The following SNX32 variants were observed in gnomAD, a reference collection of about 807,000 sequenced individuals.
SNX32 encodes sorting nexin-32.
SNX32 carries 58 observed loss-of-function variants against 57.0 expected under a neutral mutation model. The ratio of observed to expected loss-of-function variants is 1.02; its 90% confidence interval spans 0.82 to 1.27. SNX32 has a LOEUF of 1.27. Ranked by LOEUF, SNX32 falls within the 50% of genes most tolerant of loss-of-function variation. The pLI is 0.00. For missense variants in SNX32, 589 were observed against 541.2 expected, an observed-to-expected ratio of 1.09 and a Z score of -0.88; for synonymous variants, 262 against 220.4, an observed-to-expected ratio of 1.19 and a Z score of -1.67.
Position 65,852,900 on chromosome 11 carries a change from TCTC to T in SNX32, c.1104_1106del (p.Ser369del), listed in dbSNP as rs754778652. 6.8e-6 allele frequency: 11 copies of T among 1,613,842 alleles called. No homozygotes were observed. The East Asian group carries it at 1.3e-4, about 20-fold the overall frequency. ...CTCATGGACTTCAAGTCCCGCCGGG[TCTC>T]CTCTTTTCGAAAGAATCTCATTGAG... On this transcript the variant is annotated inframe_deletion, in exon 12 of 13. Transcript: ENST00000308342.
At chr11:65,844,451 T>A (rs958703901) in intron 1 of SNX32, among the ~76,000 whole-genome samples, 18 of 143,780 alleles carry the variant, frequency 1.3e-4, no homozygotes, top group Admixed American at 4.2e-4. Flanking sequence ...AAAAAAAAAA[T>A]AATAAATAGA....
At chr11:65,837,573 A>G (rs1858701242) in intron 1 of SNX32, among the ~76,000 whole-genome samples, 1 of 152,136 alleles carries the variant, frequency 6.6e-6, no homozygotes, top group South Asian at 2.1e-4. Context: ...TAATCCCAGC[A>G]TTTTGGGAGG....
chr11:65,836,506 T>C (rs1565244489), intron 1 of SNX32, among the ~76,000 whole-genome samples: 2 of 152,122 alleles, frequency 1.3e-5, no homozygotes, highest in African/African-American at 2.4e-5. Flanking sequence ...ATCGCACCAT[T>C]GAACTCTAGC....
At chr11:65,840,517 G>C (rs1858812493) in intron 1 of SNX32, among the ~76,000 whole-genome samples, 1 of 152,076 alleles carries the variant, frequency 6.6e-6, no homozygotes, top group Non-Finnish European at 1.5e-5. Flanking sequence ...AAATCCAAAA[G>C]AACTGGCCAG....
In SNX32 at chr11:65,839,245, T is replaced by TAG. The variant is rs1299831051; in HGVS notation, c.36+5144_36+5145insAG. Among the ~76,000 whole-genome samples the TAG allele has an allele frequency of 5.2e-4, 40 of 77,648 alleles. No homozygotes were observed. The East Asian group carries it at 5.6e-3, about 11-fold the overall frequency. The allele number at this position is 77,648 out of a possible 152,430, so 50.9% of individuals were successfully genotyped here. A position where few individuals can be genotyped will look rare whatever the true frequency, so the allele number is the denominator to read the frequency against. On this transcript the variant is annotated intron_variant, in intron 1 of 12. Transcript: ENST00000308342. The stretch of plus-strand genomic sequence containing the variant: ...TTTGTATTTTTTTTTTTTTTTTTTT[T>TAG]TTGAGACGGAGTCTCGCTCTGTCGC...
In SNX32 at chr11:65,850,868, G is replaced by A. The variant is rs1282600478; in HGVS notation, c.603+13G>A. On this transcript the variant is annotated intron_variant, in intron 6 of 12. Coordinates refer to ENST00000308342, the MANE Select transcript of SNX32 (RefSeq NM_152760.3). ...GTCAGGGCTCAAGGTAACCCCTGGTGCTCCTCTCCGGATTCAACCCAGCAC... is the reference window on the plus strand; with the variant it reads ...GTCAGGGCTCAAGGTAACCCCTGGTACTCCTCTCCGGATTCAACCCAGCAC... 3.7e-6 allele frequency: 6 copies of A among 1,608,086 alleles called. No homozygotes were observed. The highest frequency in any genetic ancestry group is 5.1e-6 in the Non-Finnish European group (6 of 1,175,496).
In SNX32 at chr11:65,850,000, C is replaced by T. The variant is rs778010006; in HGVS notation, c.222C>T (p.Tyr74=). 3.1e-6 allele frequency: 5 copies of T among 1,613,744 alleles called. No homozygotes were observed. Among genetic ancestry groups the T allele is most frequent in the Non-Finnish European group, 4.2e-6 (5 of 1,179,718 alleles). ...HEEFIWLHDA[Y]VENEEYAGLI... ...AGTTCATCTGGCTGCATGATGCCTA[C>T]GTGGAGAATGAGGAGTACGCCGGCC... The change falls in exon 3 of 13, where the codon TAC becomes TAT. Residue 74 remains tyrosine, a synonymous_variant. Transcript: ENST00000308342.
intron 1 of SNX32, among the ~76,000 whole-genome samples, chr11:65,846,087 C>A (rs1437140342): frequency 6.6e-6 from 1 of 151,514 alleles, no homozygotes; most frequent in East Asian, 1.9e-4. Flanking sequence ...GCCTGGCCAA[C>A]ATGGTGAAAC....
chr11:65,837,656 C>A (rs1238292954), intron 1 of SNX32, among the ~76,000 whole-genome samples: 1 of 151,166 alleles, frequency 6.6e-6, no homozygotes, highest in Non-Finnish European at 1.5e-5. Flanking sequence ...CCCATCTCTA[C>A]TAAAAATACA....
chr11:65,847,066 G>A (rs772778409), intron 1 of SNX32, among the ~76,000 whole-genome samples: 4 of 150,176 alleles, frequency 2.7e-5, no homozygotes, highest in African/African-American at 4.9e-5. Flanking sequence ...GGAGTGCAGC[G>A]GCGAGATCCT....
At chr11:65,847,935 G>A (rs1477470733) in intron 1 of SNX32, among the ~76,000 whole-genome samples, 4 of 151,834 alleles carry the variant, frequency 2.6e-5, no homozygotes, top group Non-Finnish European at 5.9e-5. Context: ...GAGAAACAAT[G>A]TAGAGATAAC....
Position 65,850,190 on chromosome 11 carries a change from G to A in SNX32, c.293G>A (p.Arg98Lys). The stretch of plus-strand genomic sequence containing the variant: ...CCGAGGCCAGACTTTGAGGCTTCGA[G>A]GGAAAAGCTACAGAAATTGGGCGAG... ...APPRPDFEAS[R>K]EKLQKLGEGD... Residue 98 changes from arginine (R) to lysine (K), a missense_variant, in exon 4 of 13, where the codon AGG becomes AAG. Transcript: ENST00000308342. 6.2e-7 allele frequency: 1 copy of A among 1,614,246 alleles called. No individual in the cohort carries two copies.
At position 65,839,225 on chromosome 11, in the gene SNX32, A is replaced by ATTTTTTTTTTTTTTTTTTTTT. The variant is rs1168882508; in HGVS notation, c.36+5126_36+5146dup. ...CACCACGCCCAGCTAATTTTTTTGT[A>ATTTTTTTTTTTTTTTTTTTTT]TTTTTTTTTTTTTTTTTTTTTTGAG... On this transcript the variant is annotated intron_variant, in intron 1 of 12. Coordinates refer to ENST00000308342, the MANE Select transcript of SNX32 (RefSeq NM_152760.3). Among the ~76,000 whole-genome samples the ATTTTTTTTTTTTTTTTTTTTT allele has an allele frequency of 5.8e-4, 16 of 27,638 alleles. 3 individuals are homozygous for ATTTTTTTTTTTTTTTTTTTTT. Among genetic ancestry groups the ATTTTTTTTTTTTTTTTTTTTT allele is most frequent in the African/African-American group, 1.8e-3 (12 of 6,630 alleles). The allele number at this position is 27,638 out of a possible 152,430, so 18.1% of individuals were successfully genotyped here.
intron 1 of SNX32, among the ~76,000 whole-genome samples, chr11:65,840,930 G>T (rs953160310): frequency 9.9e-5 from 15 of 150,820 alleles, no homozygotes; most frequent in East Asian, 3.9e-4. Flanking sequence ...ATCTATTATG[G>T]TTTTTTTTTC....
chr11:65,843,236 AG>A (rs374123923), intron 1 of SNX32, among the ~76,000 whole-genome samples: 13 of 141,944 alleles, frequency 9.2e-5, no homozygotes, highest in Non-Finnish European at 1.4e-4. Context: ...AAAAAAAAAA[AG>A]AAAAAGAAAT....
intron 1 of SNX32, among the ~76,000 whole-genome samples, chr11:65,847,729 G>T (rs1859040766): frequency 6.6e-6 from 1 of 152,064 alleles, no homozygotes; most frequent in Non-Finnish European, 1.5e-5. Context: ...GGCCAACATG[G>T]CAAAACCCCG....
At chr11:65,841,779 AAG>A (rs1171211876) in intron 1 of SNX32, among the ~76,000 whole-genome samples, 1 of 151,924 alleles carries the variant, frequency 6.6e-6, no homozygotes, top group Non-Finnish European at 1.5e-5. Context: ...AGCAAAGAAA[AAG>A]AGAATCATCA....
At chr11:65,849,207 T>C (rs1859086891) in intron 1 of SNX32, among the ~76,000 whole-genome samples, 1 of 152,214 alleles carries the variant, frequency 6.6e-6, no homozygotes, top group African/African-American at 2.4e-5. Context: ...CTGCATAACC[T>C]TGGACAAGTT....
Position 65,849,903 on chromosome 11 carries a change from G to A in SNX32, c.142-17G>A. The A allele has an allele frequency of 6.5e-7, 1 of 1,547,176 alleles. No homozygotes were observed. The highest frequency in any genetic ancestry group is 8.8e-7 in the Non-Finnish European group (1 of 1,142,730). The stretch of plus-strand genomic sequence containing the variant: ...TTGGGGCAGAGAGAGGACCTCAGTT[G>A]GCCTTCCCGCTTCCAGAGCTGCCTC... On this transcript the variant is annotated splice_polypyrimidine_tract_variant and intron_variant, in intron 2 of 12. Coordinates refer to ENST00000308342, the MANE Select transcript of SNX32 (RefSeq NM_152760.3).
Sources: allele counts gnomAD v4.1 joint callset (sites outside exome capture counted in the v4.1 genomes callset), GRCh38; gene constraint gnomAD v4.1.1; transcripts MANE v1.5; gene names NCBI Gene and HGNC (gene_info 2026-07-23, HGNC 2026-07-21).